The following ATP8B4 variants were observed in gnomAD, a reference collection of about 807,000 sequenced individuals.
The protein encoded by ATP8B4 is ATPase phospholipid transporting 8B4 (putative), also known as probable phospholipid-transporting ATPase IM.
In ATP8B4, 133 loss-of-function variants were observed where a neutral mutation model predicts 145.6. The observed-to-expected ratio is 0.91, with a 90% CI of 0.79 to 1.05. The LOEUF is 1.05. Among genes scored for constraint, ATP8B4 ranks in the 50% least tolerant of loss-of-function variants. ATP8B4 has a pLI of 0.00. For missense variants in ATP8B4, 1,458 were observed against 1,425.2 expected, an observed-to-expected ratio of 1.02 and a Z score of -0.37; for synonymous variants, 507 against 492.9, an observed-to-expected ratio of 1.03 and a Z score of -0.38.
intron 26 of ATP8B4, among the ~76,000 whole-genome samples, chr15:49,863,995 G>C (rs1050726556): frequency 1.3e-5 from 2 of 152,040 alleles, no homozygotes; most frequent in Admixed American, 1.3e-4. Flanking sequence ...TCTTAGGACT[G>C]GAAATCTTCT....
chr15:50,058,735 A>C (rs886324668), intron 3 of ATP8B4, among the ~76,000 whole-genome samples: 4 of 152,078 alleles, frequency 2.6e-5, no homozygotes, highest in African/African-American at 9.7e-5. Flanking sequence ...TCCACTCATG[A>C]AGGTGTTCTC....
At chr15:49,939,705 A>T (rs888176853) in intron 14 of ATP8B4, among the ~76,000 whole-genome samples, 1 of 152,214 alleles carries the variant, frequency 6.6e-6, no homozygotes, top group Non-Finnish European at 1.5e-5. Context: ...TTCTATTGAA[A>T]CTACTACAAA....
chr15:49,872,049 C>T (rs2033745184), intron 25 of ATP8B4, among the ~76,000 whole-genome samples: 1 of 152,196 alleles, frequency 6.6e-6, no homozygotes, highest in Non-Finnish European at 1.5e-5. Context: ...AAGTACACGA[C>T]TTTCTGTCTG....
intron 6 of ATP8B4, among the ~76,000 whole-genome samples, chr15:50,029,052 G>A (rs2050218772): frequency 6.6e-6 from 1 of 151,674 alleles, no homozygotes; most frequent in South Asian, 2.1e-4. Flanking sequence ...GGCCAACATG[G>A]TAAAACCCCG....
chr15:50,076,945 C>G (rs1205180595), intron 2 of ATP8B4, among the ~76,000 whole-genome samples: 1 of 152,120 alleles, frequency 6.6e-6, no homozygotes, highest in Non-Finnish European at 1.5e-5. Flanking sequence ...ATATAAAGAC[C>G]TTTTGGCAAT....
chr15:50,124,888 C>T (rs914772785), intron 1 of ATP8B4, among the ~76,000 whole-genome samples: 1 of 152,164 alleles, frequency 6.6e-6, no homozygotes, highest in African/African-American at 2.4e-5. Context: ...AGCCTAACAC[C>T]AAGCCAGACT....
At chr15:50,034,288 T>C (rs938476081) in intron 6 of ATP8B4, among the ~76,000 whole-genome samples, 3 of 148,878 alleles carry the variant, frequency 2.0e-5, no homozygotes, top group African/African-American at 5.0e-5. Flanking sequence ...TGGAGTGCAA[T>C]GGCATGATCT....
intron 2 of ATP8B4, among the ~76,000 whole-genome samples, chr15:50,085,166 C>A (rs1297469699): frequency 6.6e-6 from 1 of 152,168 alleles, no homozygotes; most frequent in African/African-American, 2.4e-5. Flanking sequence ...CACATCACCA[C>A]CAGAGGCCAA....
intron 1 of ATP8B4, among the ~76,000 whole-genome samples, chr15:50,166,066 A>G (rs1407547600): frequency 2.0e-5 from 3 of 152,150 alleles, no homozygotes; most frequent in Admixed American, 6.6e-5. Flanking sequence ...TCAGGAATAA[A>G]GAACAAATAT....
chr15:50,007,416 A>G (rs2048388208), intron 7 of ATP8B4, among the ~76,000 whole-genome samples: 1 of 152,206 alleles, frequency 6.6e-6, no homozygotes, highest in Non-Finnish European at 1.5e-5. Context: ...CACTTGAGCT[A>G]CATTGCATAG....
chr15:49,879,392 A>G lies in ATP8B4; in HGVS notation c.2765T>C (p.Met922Thr). ...IVYTSLPVLA[M>T]GIFDQDVSDQ... Reference sequence around the variant, plus strand: ...AAAACATACCTGGTCAAAAATCCCCATGGCTAAAACAGGCAGTGATGTGTA... The same window carrying G: ...AAAACATACCTGGTCAAAAATCCCCGTGGCTAAAACAGGCAGTGATGTGTA... Residue 922 changes from methionine (M) to threonine (T), a missense_variant, in exon 24 of 28, where the codon ATG becomes ACG. Transcript: ENST00000284509. 1 of 1,612,044 alleles carries G rather than the reference A, an allele frequency of 6.2e-7. No homozygotes were observed. The highest frequency in any genetic ancestry group is 1.1e-5 in the South Asian group (1 of 90,682).
intron 25 of ATP8B4, among the ~76,000 whole-genome samples, chr15:49,867,208 T>C (rs1456964155): frequency 1.3e-5 from 2 of 152,204 alleles, no homozygotes; most frequent in Non-Finnish European, 2.9e-5. Flanking sequence ...TCTGGTATCA[T>C]TATTTGCATC....
chr15:50,038,738 T>C lies in ATP8B4; in HGVS notation c.362+30A>G, dbSNP rs1383700685. On this transcript the variant is annotated intron_variant, in intron 6 of 27. Transcript: ENST00000284509. ...AGCTGTTTCAGGGTCCTAGAAATTT[T>C]CAGAATAACCCACAGAATGTATTTC... is the stretch of plus-strand genomic sequence containing the variant. 3.8e-6 allele frequency: 6 copies of C among 1,583,176 alleles called. No homozygotes were observed. The Admixed American group carries it at 1.0e-4, about 27-fold the overall frequency.
In ATP8B4 at chr15:49,931,141, G is replaced by C. The variant is rs1233856545; in HGVS notation, c.1620C>G (p.Thr540=). Residue 540 remains threonine (T), a synonymous_variant, in exon 16 of 28, where the codon ACC becomes ACG. Transcript: ENST00000284509. ...TACCTATGACAGACATCCTTTTTCT[G>C]GTGTTGTTGAAATCCAAAAAGGCAA... The part of the protein sequence containing the change: ...QLLAFLDFNN[T]RKRMSVIVRN... 1 of 1,610,606 alleles carries C rather than the reference G, an allele frequency of 6.2e-7. No homozygotes were observed. Among genetic ancestry groups the C allele is most frequent in the Admixed American group, 1.7e-5 (1 of 59,662 alleles).
intron 26 of ATP8B4, among the ~76,000 whole-genome samples, chr15:49,862,706 C>T (rs190113977): frequency 8.3e-4 from 127 of 152,274 alleles, no homozygotes; most frequent in African/African-American, 2.7e-3. Context: ...CCTCCTGCCT[C>T]GGCCTCCCAA....
intron 12 of ATP8B4, among the ~76,000 whole-genome samples, chr15:49,974,081 C>CTTTTTTTTT (rs5812500): frequency 1.6e-5 from 2 of 126,726 alleles, no homozygotes; most frequent in Admixed American, 8.1e-5. Flanking sequence ...TATCATTTGT[C>CTTTTTTTTT]TTTTTTTTTT....
At position 50,085,877 on chromosome 15, in the gene ATP8B4, T is replaced by A. The variant is rs373146457; in HGVS notation, c.29-11692A>T. ...TATATAATAAACGTATCATATATAT[T>A]TATATATTTATATATGATATATATC... On this transcript the variant is annotated intron_variant, in intron 2 of 27. Coordinates refer to ENST00000284509, the MANE Select transcript of ATP8B4 (RefSeq NM_024837.4). Among the ~76,000 whole-genome samples the A allele has an allele frequency of 3.3e-3, 113 of 34,712 alleles. 1 individual carries two copies. The highest frequency in any genetic ancestry group is 0.014 in the African/African-American group (94 of 6,920). The allele number at this position is 34,712 out of a possible 152,430, so 22.8% of individuals were successfully genotyped here. A position where few individuals can be genotyped will look rare whatever the true frequency, so the allele number is the denominator to read the frequency against.
intron 9 of ATP8B4, among the ~76,000 whole-genome samples, chr15:49,991,811 G>C (rs982346076): frequency 6.6e-6 from 1 of 152,152 alleles, no homozygotes; most frequent in African/African-American, 2.4e-5. Context: ...ACATTGCTAC[G>C]TTTTAAAAAT....
intron 6 of ATP8B4, among the ~76,000 whole-genome samples, chr15:50,028,388 T>C (rs2050169313): frequency 6.6e-6 from 1 of 152,194 alleles, no homozygotes; most frequent in South Asian, 2.1e-4. Context: ...AGTTTAAAAA[T>C]GTTCCAGTGT....
Sources: gnomAD v4.1 joint callset for allele counts (sites outside exome capture counted in the v4.1 genomes callset) on GRCh38, gnomAD v4.1.1 for gene constraint, MANE v1.5 for transcripts, NCBI Gene and HGNC (gene_info 2026-07-23, HGNC 2026-07-21) for gene names.